THOC2: variants seen among roughly 807,000 people sequenced by gnomAD.
THOC2 encodes the protein THO complex 2.
A neutral mutation model predicts 128.4 loss-of-function variants in THOC2; 10 were observed. That is an observed-to-expected ratio of 0.08 (90% CI 0.05 to 0.13). The LOEUF is 0.13. Among genes scored for constraint, THOC2 ranks in the 10% least tolerant of loss-of-function variants. The pLI, the probability that THOC2 is intolerant of heterozygous loss-of-function variation, is 1.00. For synonymous variants in THOC2, 393 were observed against 396.9 expected (o/e 0.99, Z 0.12); for missense variants, 535 against 1,155.7 (o/e 0.46, Z 7.79).
intron 1 of THOC2, among the ~76,000 whole-genome samples, chrX:123,722,560 G>C (rs2051749649): frequency 9.2e-6 from 1 of 109,148 alleles, no homozygotes; most frequent in African/African-American, 3.3e-5. Flanking sequence ...ACACACTGGT[G>C]CCTGTTGGGG....
At chrX:123,614,249 T>C in intron 33 of THOC2, 60 bp from the exon 34 acceptor site, 1 of 969,803 alleles carries the variant, frequency 1.0e-6, no homozygotes, top group Non-Finnish European at 1.4e-6. Flanking sequence ...GCATCACTTG[T>C]TTGTTTACTA....
intron 1 of THOC2, 49 bp downstream of exon 1, chrX:123,732,903 C>G (rs369907177): frequency 1.7e-4 from 199 of 1,145,727 alleles, no homozygotes; most frequent in Non-Finnish European, 2.3e-4. Context: ...GTGCAGCTGA[C>G]GCCCTGGCCC....
chrX:123,643,811 T>A (rs2048023832), intron 15 of THOC2, among the ~76,000 whole-genome samples: 1 of 109,667 alleles, frequency 9.1e-6, no homozygotes, highest in South Asian at 3.9e-4. Context: ...AGAAACAATA[T>A]CACTGGGCAA....
At chrX:123,647,840 C>CAAAA (rs60123342) in intron 12 of THOC2, among the ~76,000 whole-genome samples, 10 of 37,502 alleles carry the variant, frequency 2.7e-4, no homozygotes, top group East Asian at 1.0e-3. Context: ...GACTCTGTCT[C>CAAAA]AAAAAAAAAA....
At chrX:123,665,892 ATAAC>A in intron 11 of THOC2, 55 bp from the exon 12 acceptor site, 2 of 652,829 alleles carry the variant, frequency 3.1e-6, no homozygotes, top group Non-Finnish European at 4.2e-6. Flanking sequence ...TATAATAAAT[ATAAC>A]TATATACACA....
chrX:123,651,733 C>T lies in THOC2; in HGVS notation c.1387-6358G>A, dbSNP rs189948391. On this transcript the variant is annotated intron_variant, in intron 12 of 38. Coordinates refer to ENST00000245838, the MANE Select transcript of THOC2 (RefSeq NM_001081550.2). ...AATTCCTGGACACATACGCCCCCCC[C>T]CCAAGACTAAACCAGGAAGAAGTGG... 7.5e-5 allele frequency among the ~76,000 whole-genome samples: 8 copies of T among 107,197 alleles called. No individual in the cohort carries two copies. In the East Asian group the frequency reaches 8.9e-4, roughly 12 times the overall value. 93.1% of individuals were successfully genotyped at this position (107,197 alleles called of 115,157 possible). A position where few individuals can be genotyped will look rare whatever the true frequency, so the allele number is the denominator to read the frequency against.
rs201176690 is a variant in THOC2 at position 123,607,444 on chromosome X, T to TTTTATTTA, written c.*18+3466_*18+3473dup. Among the ~76,000 whole-genome samples, 784 of 97,788 alleles carry TTTTATTTA rather than the reference T, an allele frequency of 8.0e-3. 7 individuals carry two copies. The highest frequency in any genetic ancestry group is 0.021 in the African/African-American group (556 of 25,948). 84.9% of individuals were successfully genotyped at this position (97,788 alleles called of 115,157 possible). A position where few individuals can be genotyped will look rare whatever the true frequency, so the allele number is the denominator to read the frequency against. ...GTGCATACTACCATGCCTAGCTAAG[T>TTTTATTTA]TTTATTTATTTATTTATTTATTTAT... On this transcript the variant is annotated intron_variant, in intron 38 of 38. Coordinates refer to ENST00000245838, the MANE Select transcript of THOC2 (RefSeq NM_001081550.2).
intron 33 of THOC2, among the ~76,000 whole-genome samples, chrX:123,618,942 A>G (rs923938676): frequency 8.9e-6 from 1 of 112,159 alleles, no homozygotes; most frequent in African/African-American, 3.2e-5. Context: ...AAGAATTTTT[A>G]TAGATTGAGA....
At position 123,638,769 on chromosome X, in the gene THOC2, TACAC is replaced by T. The variant is rs745502483; in HGVS notation, c.1840+161_1840+164del. On this transcript the variant is annotated intron_variant, in intron 17 of 38. Coordinates refer to ENST00000245838, the MANE Select transcript of THOC2 (RefSeq NM_001081550.2). ...ACACACACTCTCTCTCTCTCTCACA[TACAC>T]ACACACACACACACACACACACAAT... is the stretch of plus-strand genomic sequence containing the variant. 5.4e-3 allele frequency among the ~76,000 whole-genome samples: 506 copies of T among 93,566 alleles called. 2 individuals carry two copies. Among genetic ancestry groups the T allele is most frequent in the Non-Finnish European group, 7.4e-3 (339 of 45,893 alleles). 81.3% of individuals were successfully genotyped at this position (93,566 alleles called of 115,157 possible). A position where few individuals can be genotyped will look rare whatever the true frequency, so the allele number is the denominator to read the frequency against.
intron 18 of THOC2, among the ~76,000 whole-genome samples, chrX:123,636,509 G>A (rs1194098404): frequency 9.0e-6 from 1 of 111,729 alleles, no homozygotes; most frequent in Non-Finnish European, 1.9e-5. Flanking sequence ...AATCTTTGCA[G>A]CCTGATTCCA....
At chrX:123,704,246 A>G (rs1455203952) in intron 3 of THOC2, among the ~76,000 whole-genome samples, 2 of 112,135 alleles carry the variant, frequency 1.8e-5, no homozygotes, top group African/African-American at 6.5e-5. Context: ...TGTTGTGCTC[A>G]TGCCTGAGTC....
intron 1 of THOC2, among the ~76,000 whole-genome samples, chrX:123,713,187 T>C (rs767196875): frequency 5.3e-5 from 6 of 112,233 alleles, no homozygotes; most frequent in Non-Finnish European, 7.5e-5. Context: ...TAAAAGAGAC[T>C]ATGGGCTGGG....
chrX:123,619,632 A>T, intron 32 of THOC2, 196 bp from the exon 33 acceptor site: 1 of 400,716 alleles, frequency 2.5e-6, no homozygotes, highest in Non-Finnish European at 4.4e-6. Flanking sequence ...AAACTAAATT[A>T]AATGTACTCA....
At chrX:123,645,433 A>G in intron 12 of THOC2, 58 bp from the exon 13 acceptor site, 1 of 715,287 alleles carries the variant, frequency 1.4e-6, no homozygotes. Flanking sequence ...ATGATGTCAC[A>G]ATTAATTTCT....
intron 38 of THOC2, chrX:123,610,233 C>A (rs929763763): frequency 1.9e-5 from 2 of 107,672 alleles, no homozygotes; most frequent in African/African-American, 3.4e-5. Flanking sequence ...GATGGAAACA[C>A]AATTTATTTA....
rs757019221 is a variant in THOC2, at chrX:123,696,726, T to C, written c.462A>G (p.Lys154=). 3 of 1,200,583 alleles carry C rather than the reference T, an allele frequency of 2.5e-6. No individual in the cohort carries two copies. Among genetic ancestry groups the C allele is most frequent in the East Asian group, 6.0e-5 (2 of 33,359 alleles). ...CATAAGATACGTGTACTTACAAGAG[T>C]TTTGTCTTGATTTTAACTGACTTTT... The part of the protein sequence containing the change: ...FNQKSVKIKT[K]LFYKQQKFNL... The change falls in exon 6 of 39, where the codon AAA becomes AAG. Residue 154 remains lysine (K), a synonymous_variant. Transcript: ENST00000245838.
intron 8 of THOC2, among the ~76,000 whole-genome samples, chrX:123,672,215 T>C (rs1300873861): frequency 7.2e-5 from 8 of 110,544 alleles, no homozygotes; most frequent in African/African-American, 2.6e-4. Flanking sequence ...CATGGCTCAC[T>C]GCAGTCCTGA....
Position 123,621,410 on chromosome X carries a change from C to T in THOC2, c.3963G>A (p.Thr1321=), listed in dbSNP as rs750156047. The T allele has an allele frequency of 1.2e-5, 15 of 1,208,632 alleles. No homozygotes were observed. Among genetic ancestry groups the T allele is most frequent in the South Asian group, 1.8e-5 (1 of 56,665 alleles). Residue 1321 remains threonine, a synonymous_variant, in exon 31 of 39, where the codon ACG becomes ACA. Transcript: ENST00000245838. ...DEKARETKER[T]PKSDKEKEKF... is the part of the protein sequence containing the mutation. Reference sequence around the variant, plus strand: ...TTTCTTTCTCTTTGTCAGACTTCGGCGTTCTTTCCTTGGTCTCTCTTGCTT... The same window carrying T: ...TTTCTTTCTCTTTGTCAGACTTCGGTGTTCTTTCCTTGGTCTCTCTTGCTT...
intron 10 of THOC2, 146 bp downstream of exon 10, chrX:123,668,013 A>G (rs1298629195): frequency 2.5e-6 from 1 of 396,178 alleles, no homozygotes; most frequent in African/African-American, 2.6e-5. Flanking sequence ...TAAAAATAAA[A>G]CCACTGTAGC....
Sources: gnomAD v4.1 joint callset for allele counts (sites outside exome capture counted in the v4.1 genomes callset) on GRCh38, gnomAD v4.1.1 for gene constraint, MANE v1.5 for transcripts, NCBI Gene and HGNC (gene_info 2026-07-23, HGNC 2026-07-21) for gene names.